ABCG2: variants seen among roughly 807,000 people sequenced by gnomAD.
ABCG2 encodes broad substrate specificity ATP-binding cassette transporter ABCG2.
Under a neutral mutation model 73.5 loss-of-function variants are expected in ABCG2, and 80 were observed. The ratio of observed to expected loss-of-function variants is 1.09; its 90% CI spans 0.91 to 1.31. The LOEUF is 1.31. Ranked by LOEUF, ABCG2 falls within the 50% of genes most tolerant of loss-of-function variation. ABCG2 has a pLI of 0.00. For synonymous variants in ABCG2, 269 were observed against 282.4 expected (o/e 0.95, Z 0.48); for missense variants, 796 against 786.2 (o/e 1.01, Z -0.15).
intron 1 of ABCG2, among the ~76,000 whole-genome samples, chr4:88,167,438 A>G (rs979014665): frequency 8.7e-5 from 13 of 148,746 alleles, no homozygotes; most frequent in African/African-American, 2.7e-4. Context: ...CAGTGGCACA[A>G]TCTCGGCTCA....
At chr4:88,143,865 T>G (rs28742177) in intron 1 of ABCG2, among the ~76,000 whole-genome samples, 5,734 of 152,112 alleles carry the variant, frequency 0.038, 134 homozygotes, top group Middle Eastern at 0.071. Context: ...AAAAAAAACA[T>G]AGTAAGGATT....
rs1725628049 is a variant in ABCG2, at chr4:88,141,335, T to C, written c.-19-1321A>G. ...TGCCCTTTCCTCTTAAGGTGGGTAT[T>C]TGCACACAAAAATTGTACACACCTG... On this transcript the variant is annotated intron_variant, in intron 1 of 15. Transcript: ENST00000237612. Among the ~76,000 whole-genome samples, 3 of 152,110 alleles carry C rather than the reference T, an allele frequency of 2.0e-5. No individual in the cohort carries two copies. In the South Asian group the frequency reaches 6.2e-4, roughly 32 times the overall value.
At chr4:88,180,746 C>G (rs1208767666) in intron 1 of ABCG2, among the ~76,000 whole-genome samples, 1 of 151,448 alleles carries the variant, frequency 6.6e-6, no homozygotes, top group Non-Finnish European at 1.5e-5. Context: ...GAGTGAGACC[C>G]TGTCTCAAAA....
intron 5 of ABCG2, among the ~76,000 whole-genome samples, chr4:88,130,530 C>T (rs995680608): frequency 1.3e-5 from 2 of 151,564 alleles, no homozygotes; most frequent in African/African-American, 4.9e-5. Context: ...TTGAATTATC[C>T]CAAAACCATC....
intron 1 of ABCG2, among the ~76,000 whole-genome samples, chr4:88,192,733 A>G (rs1728743065): frequency 7.3e-6 from 1 of 136,852 alleles, no homozygotes; most frequent in Admixed American, 7.5e-5. Context: ...TTTTTTTTAA[A>G]CGGAGTCTTG....
intron 9 of ABCG2, 76 bp from the exon 10 acceptor site, chr4:88,107,342 G>A (rs1017473751): frequency 4.0e-5 from 38 of 958,178 alleles, no homozygotes; most frequent in African/African-American, 1.2e-4. Flanking sequence ...CCATTTATTA[G>A]TATAATATAT....
intron 1 of ABCG2, chr4:88,201,634 C>T (rs1203337931): frequency 6.6e-6 from 1 of 152,122 alleles, no homozygotes; most frequent in African/African-American, 2.4e-5. Flanking sequence ...TCCTAACTCC[C>T]TAGCTACTCA....
intron 1 of ABCG2, among the ~76,000 whole-genome samples, chr4:88,151,301 G>C (rs1726460288): frequency 6.6e-6 from 1 of 152,164 alleles, no homozygotes; most frequent in African/African-American, 2.4e-5. Flanking sequence ...AGTTGAGTGT[G>C]AGTTAGATTT....
At chr4:88,192,710 T>G (rs994201882) in intron 1 of ABCG2, among the ~76,000 whole-genome samples, 2 of 149,452 alleles carry the variant, frequency 1.3e-5, no homozygotes, top group Non-Finnish European at 3.0e-5. Context: ...TGAGCCACTA[T>G]GCCTGGCCTT....
Position 88,114,984 on chromosome 4 carries a change from C to A in ABCG2, c.916G>T (p.Ala306Ser). 6.2e-7 allele frequency: 1 copy of A among 1,611,990 alleles called. No homozygotes were observed. Residue 306 changes from alanine (A) to serine (S), a missense_variant, in exon 8 of 16, where the codon GCA becomes TCA. Physicochemically the swap from Ala to Ser is moderately conservative, Grantham distance 99. Coordinates refer to ENST00000237612, the MANE Select transcript of ABCG2 (RefSeq NM_004827.3). The part of the protein sequence containing the change: ...DIINGDSTAV[A>S]LNREEDFKAT... ...TTAAAGTCTTCTTCTCTGTTTAATGCCACAGCAGTGGAATCTCCATTAATG... is the reference window on the plus strand; with the variant it reads ...TTAAAGTCTTCTTCTCTGTTTAATGACACAGCAGTGGAATCTCCATTAATG...
intron 5 of ABCG2, among the ~76,000 whole-genome samples, chr4:88,122,233 G>A (rs1048436446): frequency 6.6e-5 from 10 of 152,118 alleles, no homozygotes; most frequent in African/African-American, 2.2e-4. Context: ...ACAAAACTGG[G>A]TGGCCATTTG....
intron 1 of ABCG2, among the ~76,000 whole-genome samples, chr4:88,202,354 T>TATATATATATATATATATATATAAA (rs1553945717): frequency 1.6e-5 from 1 of 62,086 alleles, no homozygotes; most frequent in African/African-American, 5.2e-5. Context: ...CTACAATTAT[T>TATATATATATATATATATATATAAA]TATATATATA....
chr4:88,214,933 T>A (rs1729753848), intron 1 of ABCG2, among the ~76,000 whole-genome samples: 1 of 150,250 alleles, frequency 6.7e-6, no homozygotes, highest in South Asian at 2.1e-4. Flanking sequence ...TACAAAAATT[T>A]AAAAAATTAT....
At chr4:88,204,936 G>T (rs1437719505) in intron 1 of ABCG2, among the ~76,000 whole-genome samples, 2 of 152,198 alleles carry the variant, frequency 1.3e-5, no homozygotes, top group Non-Finnish European at 2.9e-5. Context: ...GCTGTCAAAA[G>T]ATTTGCCATT....
intron 1 of ABCG2, among the ~76,000 whole-genome samples, chr4:88,222,553 T>A (rs1322646769): frequency 6.6e-6 from 1 of 152,262 alleles, no homozygotes; most frequent in African/African-American, 2.4e-5. Flanking sequence ...CCTGGCCTTC[T>A]GCCATGATTG....
At chr4:88,147,056 T>TAAAGG (rs1308674487) in intron 1 of ABCG2, among the ~76,000 whole-genome samples, 35 of 76,412 alleles carry the variant, frequency 4.6e-4, no homozygotes, top group African/African-American at 1.8e-3. Context: ...AAAAGAAAGG[T>TAAAGG]AAAGGAAAGG....
intron 1 of ABCG2, among the ~76,000 whole-genome samples, chr4:88,220,238 T>G (rs1578288824): frequency 6.6e-6 from 1 of 152,202 alleles, no homozygotes; most frequent in Non-Finnish European, 1.5e-5. Flanking sequence ...AACATTAGGG[T>G]TGCTTCCACT....
upstream of ABCG2, among the ~76,000 whole-genome samples, chr4:88,163,291 C>G (rs112506895): frequency 6.8e-3 from 1,030 of 152,152 alleles, 5 homozygotes; most frequent in Admixed American, 9.6e-3. Flanking sequence ...ATAATGGAAA[C>G]AGTTTAAAAC....
intron 1 of ABCG2, among the ~76,000 whole-genome samples, chr4:88,214,132 C>T (rs1340811638): frequency 6.6e-6 from 1 of 151,412 alleles, no homozygotes; most frequent in Non-Finnish European, 1.5e-5. Flanking sequence ...GGACTACAGG[C>T]GCATACAACC....
Sources: gnomAD v4.1 joint callset for allele counts (sites outside exome capture counted in the v4.1 genomes callset) on GRCh38, gnomAD v4.1.1 for gene constraint, MANE v1.5 for transcripts, NCBI Gene and HGNC (gene_info 2026-07-23, HGNC 2026-07-21) for gene names.